ADAMTS17: variants seen among roughly 807,000 people sequenced by gnomAD.
ADAMTS17 encodes A disintegrin and metalloproteinase with thrombospondin motifs 17.
ADAMTS17 carries 113 observed loss-of-function variants against 141.5 expected under a neutral mutation model. The ratio of observed to expected loss-of-function variants is 0.80; its 90% CI spans 0.69 to 0.93. The LOEUF (loss-of-function observed/expected upper bound fraction) is 0.93, where lower values mean the gene tolerates loss of function less well. Among genes scored for constraint, ADAMTS17 ranks in the 40% least tolerant of loss-of-function variants. The probability of loss-of-function intolerance (pLI) is 0.00; values close to 1 mark genes in which losing one functional copy is unlikely to be tolerated. For missense variants in ADAMTS17, 1,659 were observed against 1,517.9 expected (o/e 1.09, Z -1.54); for synonymous variants, 768 against 630.6 (o/e 1.22, Z -3.27).
At chr15:100,200,053 G>A (rs921109904) in intron 7 of ADAMTS17, among the ~76,000 whole-genome samples, 2 of 152,234 alleles carry the variant, frequency 1.3e-5, no homozygotes, top group Non-Finnish European at 2.9e-5. Context: ...CAGAGGAAGC[G>A]GAGCCAGCGC....
chr15:99,976,198 G>A lies in ADAMTS17; in HGVS notation c.2974C>T (p.Leu992=). ...STCSSTCGKG[L]QSRVVQCMHK... ...ATGCACTGCACCACCCGGGACTGCA[G>A]GCCCTTCCCGCAGGTCGACGAGCAC... is the stretch of plus-strand genomic sequence containing the variant. Residue 992 remains leucine, a synonymous_variant, in exon 21 of 22, where the codon CTG becomes TTG. Coordinates refer to ENST00000268070, the MANE Select transcript of ADAMTS17 (RefSeq NM_139057.4). 6.5e-7 allele frequency: 1 copy of A among 1,548,394 alleles called. No individual in the cohort carries two copies. Among genetic ancestry groups the A allele is most frequent in the Admixed American group, 2.0e-5 (1 of 51,014 alleles).
intron 15 of ADAMTS17, among the ~76,000 whole-genome samples, chr15:100,080,731 A>C (rs1480741042): frequency 6.6e-6 from 1 of 152,232 alleles, no homozygotes; most frequent in Non-Finnish European, 1.5e-5. Flanking sequence ...ACTTGTACTA[A>C]GAAAGTATAT....
At chr15:100,096,605 G>C in intron 14 of ADAMTS17, 129 bp from the exon 15 acceptor site, 1 of 1,167,562 alleles carries the variant, frequency 8.6e-7, no homozygotes, top group Non-Finnish European at 1.2e-6. Flanking sequence ...TCCATTCAGA[G>C]GCCCAAGAAA....
intron 7 of ADAMTS17, among the ~76,000 whole-genome samples, chr15:100,218,559 A>T (rs924330604): frequency 7.9e-5 from 12 of 152,342 alleles, no homozygotes; most frequent in African/African-American, 2.6e-4. Context: ...GAATGACTAT[A>T]ATCAAAAAGA....
chr15:100,093,413 A>G (rs1323228379), intron 15 of ADAMTS17, among the ~76,000 whole-genome samples: 3 of 152,002 alleles, frequency 2.0e-5, no homozygotes, highest in African/African-American at 7.2e-5. Context: ...GTTAAGGGTG[A>G]TAAGGCACTC....
At chr15:100,215,004 G>A (rs1381063177) in intron 7 of ADAMTS17, among the ~76,000 whole-genome samples, 1 of 152,142 alleles carries the variant, frequency 6.6e-6, no homozygotes, top group Non-Finnish European at 1.5e-5. Flanking sequence ...CCTCCATTTG[G>A]TATCATGAAA....
chr15:100,209,447 A>T (rs1342377085), intron 7 of ADAMTS17, among the ~76,000 whole-genome samples: 1 of 152,128 alleles, frequency 6.6e-6, no homozygotes, highest in South Asian at 2.1e-4. Flanking sequence ...TAACCCAAAC[A>T]TGGGAAGCCA....
chr15:100,108,981 T>C lies in ADAMTS17; in HGVS notation c.2016+8A>G. The C allele has an allele frequency of 6.2e-7, 1 of 1,613,740 alleles. No individual in the cohort carries two copies. Among genetic ancestry groups the C allele is most frequent in the Non-Finnish European group, 8.5e-7 (1 of 1,179,946 alleles). ...GCCCCACCAAGGACCGAAGGAGAAG[T>C]ACGTCACCTGGCACTTGCCGTGCAC... On this transcript the variant is annotated splice_region_variant and intron_variant, in intron 14 of 21. Transcript: ENST00000268070.
At chr15:100,069,735 T>C (rs2033830721) in intron 15 of ADAMTS17, among the ~76,000 whole-genome samples, 1 of 150,922 alleles carries the variant, frequency 6.6e-6, no homozygotes, top group South Asian at 2.1e-4. Flanking sequence ...CAAGAGCTCC[T>C]GAAGGAAGCA....
intron 8 of ADAMTS17, among the ~76,000 whole-genome samples, chr15:100,185,826 T>C (rs2040695390): frequency 1.3e-5 from 2 of 152,168 alleles, no homozygotes; most frequent in Non-Finnish European, 1.5e-5. Context: ...GCTCCTGAAG[T>C]CCTTCTTAAA....
chr15:100,307,880 G>T (rs2045277772), intron 3 of ADAMTS17, among the ~76,000 whole-genome samples: 1 of 152,210 alleles, frequency 6.6e-6, no homozygotes, highest in African/African-American at 2.4e-5. Context: ...CATCTATAAT[G>T]GTGCCCTGCA....
intron 7 of ADAMTS17, among the ~76,000 whole-genome samples, chr15:100,245,681 A>C (rs1333811370): frequency 6.6e-6 from 1 of 152,222 alleles, no homozygotes; most frequent in Non-Finnish European, 1.5e-5. Flanking sequence ...GCCAAGTCTC[A>C]AACACAAACC....
intron 7 of ADAMTS17, among the ~76,000 whole-genome samples, chr15:100,211,054 T>C (rs2041786873): frequency 6.6e-6 from 1 of 151,504 alleles, no homozygotes; most frequent in Non-Finnish European, 1.5e-5. Context: ...GAGCCGAGAT[T>C]GCGCCACTGC....
At chr15:100,206,519 C>T (rs1343054660) in intron 7 of ADAMTS17, among the ~76,000 whole-genome samples, 3 of 152,218 alleles carry the variant, frequency 2.0e-5, no homozygotes, top group Non-Finnish European at 4.4e-5. Context: ...ATGAACTTGC[C>T]TTAGTCCCAC....
At chr15:100,253,865 G>GC (rs2141961931) in intron 7 of ADAMTS17, among the ~76,000 whole-genome samples, 1 of 152,186 alleles carries the variant, frequency 6.6e-6, no homozygotes, top group African/African-American at 2.4e-5. Flanking sequence ...CCCAACTGCA[G>GC]ACCCCTTGGA....
chr15:100,164,967 A>G (rs1320556522), intron 8 of ADAMTS17, among the ~76,000 whole-genome samples: 1 of 152,184 alleles, frequency 6.6e-6, no homozygotes, highest in Non-Finnish European at 1.5e-5. Flanking sequence ...GGGGATGAAG[A>G]TGGTGGCCTA....
chr15:100,296,540 G>C (rs940177512), intron 3 of ADAMTS17, among the ~76,000 whole-genome samples: 14 of 152,012 alleles, frequency 9.2e-5, no homozygotes, highest in African/African-American at 3.1e-4. Context: ...ACAAAGAAAG[G>C]TGGAAAATAA....
chr15:100,189,349 C>G (rs976257519), intron 8 of ADAMTS17, among the ~76,000 whole-genome samples: 1 of 152,160 alleles, frequency 6.6e-6, no homozygotes, highest in South Asian at 2.1e-4. Context: ...CTGAGTAAGC[C>G]GAGTGTGGAC....
chr15:100,214,272 A>G (rs2041901086), intron 7 of ADAMTS17, among the ~76,000 whole-genome samples: 1 of 152,178 alleles, frequency 6.6e-6, no homozygotes, highest in Admixed American at 6.5e-5. Flanking sequence ...CTTTGTGAAG[A>G]AGGTTCTACC....
Sources: allele counts gnomAD v4.1 joint callset (sites outside exome capture counted in the v4.1 genomes callset), GRCh38; gene constraint gnomAD v4.1.1; transcripts MANE v1.5; gene names NCBI Gene and HGNC (gene_info 2026-07-23, HGNC 2026-07-21).